Variants in MATN2 observed in about 807,000 individuals in gnomAD.
MATN2 encodes the protein matrilin-2.
MATN2 carries 69 observed loss-of-function variants against 103.2 expected under a neutral mutation model. The ratio of observed to expected loss-of-function variants is 0.67; its 90% CI spans 0.55 to 0.82. The LOEUF is 0.82. Among genes scored for constraint, MATN2 ranks in the 40% least tolerant of loss-of-function variants. The probability of loss-of-function intolerance (pLI) is 0.00; values close to 1 mark genes in which losing one functional copy is unlikely to be tolerated. For missense variants in MATN2, 1,023 were observed against 1,211.5 expected, an observed-to-expected ratio of 0.84 and a Z score of 2.31; for synonymous variants, 429 against 450.2, an observed-to-expected ratio of 0.95 and a Z score of 0.60.
rs779039520 is a variant in MATN2 at position 98,033,034 on chromosome 8, C to G, written c.2582-8C>G. The G allele has an allele frequency of 5.6e-6, 9 of 1,597,978 alleles. No individual in the cohort carries two copies. In the African/African-American group the frequency reaches 1.2e-4, roughly 22 times the overall value. ...CAGGTTTGATTGCAGTTTTCTTTCT[C>G]TTTACAGAATCTGAGCCAGTCACCA... On this transcript the variant is annotated splice_polypyrimidine_tract_variant and splice_region_variant and intron_variant, in intron 16 of 18. Coordinates refer to ENST00000254898, the MANE Select transcript of MATN2 (RefSeq NM_002380.5).
At chr8:98,017,381 T>C (rs1813400588) in intron 11 of MATN2, among the ~76,000 whole-genome samples, 1 of 152,084 alleles carries the variant, frequency 6.6e-6, no homozygotes, top group African/African-American at 2.4e-5. Flanking sequence ...AGCCTTAGAG[T>C]GAATTGCTGG....
rs774534658 is a variant in MATN2 at position 98,017,974 on chromosome 8, A to T, written c.1697-20A>T. ...AATGTATGTTGTTGAAATTGTTGTA[A>T]CTTGCTCTCCTGTCTTCAGGGAAAG... On this transcript the variant is annotated intron_variant, in intron 11 of 18. Coordinates refer to ENST00000254898, the MANE Select transcript of MATN2 (RefSeq NM_002380.5). 1 of 1,612,270 alleles carries T rather than the reference A, an allele frequency of 6.2e-7. No individual in the cohort carries two copies. The highest frequency in any genetic ancestry group is 8.5e-7 in the Non-Finnish European group (1 of 1,179,068).
chr8:97,999,861 C>CTTTTT, intron 7 of MATN2, among the ~76,000 whole-genome samples: 1 of 138,436 alleles, frequency 7.2e-6, no homozygotes, highest in South Asian at 2.4e-4. Flanking sequence ...GTCACGGATT[C>CTTTTT]TTTTTTTTTT....
intron 10 of MATN2, among the ~76,000 whole-genome samples, chr8:98,015,362 C>CT (rs1563727175): frequency 6.6e-6 from 1 of 152,146 alleles, no homozygotes; most frequent in Non-Finnish European, 1.5e-5. Context: ...GCAGTGACTG[C>CT]CCTTCTCTTT....
At chr8:98,011,279 C>CAT (rs1439896004) in intron 10 of MATN2, among the ~76,000 whole-genome samples, 1 of 152,194 alleles carries the variant, frequency 6.6e-6, no homozygotes, top group Non-Finnish European at 1.5e-5. Context: ...AATACCCTCA[C>CAT]ATCAGGGTTA....
intron 6 of MATN2, among the ~76,000 whole-genome samples, chr8:97,990,044 T>C (rs932865884): frequency 6.6e-6 from 1 of 151,644 alleles, no homozygotes; most frequent in Non-Finnish European, 1.5e-5. Context: ...TAGCCAGGCA[T>C]GGTGGCAGGT....
At chr8:97,921,628 C>T (rs569484315) in intron 2 of MATN2, among the ~76,000 whole-genome samples, 2 of 152,264 alleles carry the variant, frequency 1.3e-5, no homozygotes, top group South Asian at 4.1e-4. Flanking sequence ...TACCCTTAAG[C>T]ACTGAGAGCT....
At chr8:97,934,105 C>G (rs907753119) in intron 3 of MATN2, among the ~76,000 whole-genome samples, 1 of 152,162 alleles carries the variant, frequency 6.6e-6, no homozygotes, top group East Asian at 1.9e-4. Flanking sequence ...TAAGGTAAAC[C>G]ATTTTCTGGT....
chr8:97,962,121 CCT>C (rs1221856345), intron 5 of MATN2, among the ~76,000 whole-genome samples: 5 of 152,198 alleles, frequency 3.3e-5, no homozygotes, highest in East Asian at 1.9e-4. Flanking sequence ...AGACATCCCC[CCT>C]GTTTATCTAC....
At chr8:98,034,960 A>G (rs1378122) in intron 18 of MATN2, among the ~76,000 whole-genome samples, 17,709 of 151,186 alleles carry the variant, frequency 0.12, 1,073 homozygotes, top group East Asian at 0.19. Context: ...TGTGGCTCAC[A>G]CCTGTAATCC....
chr8:97,888,145 G>C lies in MATN2; in HGVS notation c.45G>C (p.Gln15His), dbSNP rs1465455372. Reference sequence around the variant, plus strand: ...GCTGCTTTCTGCTGATCCTCGGACAGATCGTCCTCCTCCCTGCCGAGGCCA... The same window carrying C: ...GCTGCTTTCTGCTGATCCTCGGACACATCGTCCTCCTCCCTGCCGAGGCCA... ...LAGCFLLILG[Q>H]IVLLPAEARE... The change falls in exon 2 of 19, where the codon CAG becomes CAC. Residue 15 changes from glutamine (Q) to histidine (H), a missense_variant. By Grantham distance (24) the Gln-to-His change is conservative (BLOSUM62 0). Coordinates refer to ENST00000254898, the MANE Select transcript of MATN2 (RefSeq NM_002380.5). The C allele has an allele frequency of 1.2e-6, 2 of 1,609,638 alleles. No individual in the cohort carries two copies. Among genetic ancestry groups the C allele is most frequent in the African/African-American group, 1.3e-5 (1 of 74,688 alleles).
At chr8:97,916,360 G>T (rs1809630561) in intron 2 of MATN2, among the ~76,000 whole-genome samples, 1 of 152,162 alleles carries the variant, frequency 6.6e-6, no homozygotes, top group Non-Finnish European at 1.5e-5. Context: ...ATGAGCCACT[G>T]TGCCTGACCT....
chr8:97,960,972 A>T (rs188978320), intron 4 of MATN2, among the ~76,000 whole-genome samples: 1 of 151,934 alleles, frequency 6.6e-6, no homozygotes, highest in East Asian at 1.9e-4. Flanking sequence ...ACACCACCAC[A>T]CTCAGCTAAT....
In MATN2 at chr8:98,005,181, G is replaced by T. The variant is rs928978687; in HGVS notation, c.1327+1398G>T. Among the ~76,000 whole-genome samples the T allele has an allele frequency of 6.6e-6, 1 of 152,224 alleles. No individual in the cohort carries two copies. Among genetic ancestry groups the T allele is most frequent in the Non-Finnish European group, 1.5e-5 (1 of 68,040 alleles). ...GCGTGGCTCCTCCAGTGTCCAGAGA[G>T]AACAAAGTGCCCGGTAAAGGCTTTC... On this transcript the variant is annotated intron_variant, in intron 8 of 18. Coordinates refer to ENST00000254898, the MANE Select transcript of MATN2 (RefSeq NM_002380.5). The surrounding 1 kb of genome is among the most constrained non-coding windows in gnomAD (Gnocchi z 4.6).
At chr8:97,879,779 G>C (rs1449451709) in intron 1 of MATN2, among the ~76,000 whole-genome samples, 1 of 152,232 alleles carries the variant, frequency 6.6e-6, no homozygotes, top group Non-Finnish European at 1.5e-5. Context: ...GCACCACTGG[G>C]TGGAAGTTAC....
At chr8:97,889,692 C>T (rs1309381612) in intron 2 of MATN2, among the ~76,000 whole-genome samples, 1 of 151,946 alleles carries the variant, frequency 6.6e-6, no homozygotes, top group Non-Finnish European at 1.5e-5. Context: ...GATCTGCCAT[C>T]TCGACCTCCC....
intron 7 of MATN2, among the ~76,000 whole-genome samples, chr8:98,000,149 G>T (rs1812731770): frequency 6.6e-6 from 1 of 151,720 alleles, no homozygotes; most frequent in Non-Finnish European, 1.5e-5. Context: ...CCAAAGTGCT[G>T]GGATACAGGC....
intron 5 of MATN2, among the ~76,000 whole-genome samples, chr8:97,974,880 C>T (rs927815030): frequency 1.3e-5 from 2 of 152,194 alleles, no homozygotes; most frequent in Admixed American, 1.3e-4. Flanking sequence ...ACCTGGAGGG[C>T]TTGCTCAAAC....
chr8:97,960,687 C>T (rs886897818), intron 4 of MATN2, among the ~76,000 whole-genome samples: 2 of 152,208 alleles, frequency 1.3e-5, no homozygotes, highest in African/African-American at 4.8e-5. Flanking sequence ...ATACATAGAG[C>T]ACAAAGAGGG....
Sources: gnomAD v4.1 joint callset for allele counts (sites outside exome capture counted in the v4.1 genomes callset) on GRCh38, gnomAD v4.1.1 for gene constraint, Gnocchi (gnomAD v3.1) non-coding constraint, MANE v1.5 for transcripts, NCBI Gene and HGNC (gene_info 2026-07-23, HGNC 2026-07-21) for gene names.